The following WWOX variants were observed in gnomAD, a reference collection of about 807,000 sequenced individuals.
WWOX encodes the protein WW domain containing oxidoreductase.
Under a neutral mutation model 46.2 loss-of-function variants are expected in WWOX, and 69 were observed. The observed-to-expected ratio is 1.49, with a 90% CI of 1.23 to 1.82. WWOX has a LOEUF of 1.82. WWOX is among the 40% of genes most tolerant of loss of function. The pLI is 0.00. For missense variants in WWOX, 919 were observed against 542.6 expected, an observed-to-expected ratio of 1.69 and a Z score of -6.89; for synonymous variants, 359 against 202.6, an observed-to-expected ratio of 1.77 and a Z score of -6.56.
chr16:78,274,368 A>C (rs1004031970), intron 5 of WWOX, among the ~76,000 whole-genome samples: 6 of 152,166 alleles, frequency 3.9e-5, no homozygotes, highest in Admixed American at 3.9e-4. Context: ...AATGCATATT[A>C]TAGTAATTTC....
chr16:78,392,456 GTAA>G (rs10561646), intron 6 of WWOX, among the ~76,000 whole-genome samples: 3,479 of 152,112 alleles, frequency 0.023, 135 homozygotes, highest in African/African-American at 0.08. Flanking sequence ...ATATTACAAC[GTAA>G]TAATAATAGA....
At chr16:79,050,280 C>T (rs1040148232) in intron 8 of WWOX, among the ~76,000 whole-genome samples, 3 of 152,188 alleles carry the variant, frequency 2.0e-5, no homozygotes, top group African/African-American at 7.2e-5. Flanking sequence ...TGCATCTTTG[C>T]ATCAGCTGGG....
At chr16:78,868,643 C>G (rs1361058825) in intron 8 of WWOX, among the ~76,000 whole-genome samples, 2 of 152,114 alleles carry the variant, frequency 1.3e-5, no homozygotes, top group African/African-American at 4.8e-5. Context: ...TAGACAAATT[C>G]TGTTACTATC....
chr16:78,122,999 TAAAC>T (rs2033172417), intron 4 of WWOX, among the ~76,000 whole-genome samples: 1 of 152,174 alleles, frequency 6.6e-6, no homozygotes, highest in Non-Finnish European at 1.5e-5. Flanking sequence ...TTGATATAAT[TAAAC>T]AAAAGAGGCA....
chr16:78,525,617 A>G (rs2043446410), intron 8 of WWOX: 1 of 152,220 alleles, frequency 6.6e-6, no homozygotes, highest in African/African-American at 2.4e-5. Context: ...GACAATAACA[A>G]AGAAGATGCC....
Position 78,179,225 on chromosome 16 carries a change from G to C in WWOX, c.516+14936G>C, listed in dbSNP as rs571283465. On this transcript the variant is annotated intron_variant, in intron 5 of 8. Coordinates refer to ENST00000566780, the MANE Select transcript of WWOX (RefSeq NM_016373.4). ...TATAACTTTTAGCCTTTGCTTTGCAGGGACAGCAAAGATGTGAGCAAATTT... is the reference window on the plus strand; with the variant it reads ...TATAACTTTTAGCCTTTGCTTTGCACGGACAGCAAAGATGTGAGCAAATTT... Among the ~76,000 whole-genome samples, 78 of 152,324 alleles carry C rather than the reference G, an allele frequency of 5.1e-4. 1 individual carries two copies. The highest frequency in any genetic ancestry group is 2.5e-3 in the South Asian group (12 of 4,826).
At position 78,212,502 on chromosome 16, in the gene WWOX, C is replaced by T. The variant is rs1403544964; in HGVS notation, c.516+48213C>T. 2.6e-5 allele frequency among the ~76,000 whole-genome samples: 4 copies of T among 152,122 alleles called. No homozygotes were observed. The East Asian group carries it at 7.7e-4, about 29-fold the overall frequency. On this transcript the variant is annotated intron_variant, in intron 5 of 8. Coordinates refer to ENST00000566780, the MANE Select transcript of WWOX (RefSeq NM_016373.4). The stretch of plus-strand genomic sequence containing the variant: ...AGTTTATATTGGATTCTGCAAAGTC[C>T]CATGAGGACTGATAGATGGGCTGTG...
At chr16:78,403,464 G>A (rs1455697972) in intron 6 of WWOX, among the ~76,000 whole-genome samples, 1 of 152,152 alleles carries the variant, frequency 6.6e-6, no homozygotes, top group Non-Finnish European at 1.5e-5. Flanking sequence ...TGCTGCTTTA[G>A]TATTGCTTTA....
At chr16:78,880,897 G>T (rs1240070650) in intron 8 of WWOX, among the ~76,000 whole-genome samples, 2 of 151,582 alleles carry the variant, frequency 1.3e-5, no homozygotes, top group African/African-American at 2.4e-5. Context: ...CAGGTCAGAC[G>T]TAGGTATAAG....
At chr16:78,537,870 C>G (rs1344742614) in intron 8 of WWOX, among the ~76,000 whole-genome samples, 2 of 152,096 alleles carry the variant, frequency 1.3e-5, no homozygotes, top group African/African-American at 2.4e-5. Flanking sequence ...AGCCTCTGGC[C>G]TCGGCCTTCT....
intron 8 of WWOX, among the ~76,000 whole-genome samples, chr16:78,451,627 T>G (rs1342342616): frequency 3.3e-5 from 5 of 152,196 alleles, no homozygotes; most frequent in African/African-American, 1.2e-4. Context: ...AGCTCCCACA[T>G]CTTTGGGCTG....
Position 78,699,073 on chromosome 16 carries a change from G to T in WWOX, c.1056+266321G>T, listed in dbSNP as rs114974833. ...AGTTCAGATGGTGTGTGTTACAACT[G>T]TTCAGCTCTAACTTTGTATGAAAGT... On this transcript the variant is annotated intron_variant, in intron 8 of 8. Coordinates refer to ENST00000566780, the MANE Select transcript of WWOX (RefSeq NM_016373.4). Among the ~76,000 whole-genome samples the T allele has an allele frequency of 6.5e-3, 984 of 152,246 alleles. 17 individuals carry two copies. Among genetic ancestry groups the T allele is most frequent in the African/African-American group, 0.023 (956 of 41,524 alleles).
chr16:78,309,715 G>A (rs61400593), intron 5 of WWOX, among the ~76,000 whole-genome samples: 9,316 of 152,130 alleles, frequency 0.061, 780 homozygotes, highest in African/African-American at 0.19. Context: ...TTCAATCAAC[G>A]TACGTGACTA....
At chr16:78,328,983 T>C (rs564016997) in intron 5 of WWOX, among the ~76,000 whole-genome samples, 1 of 152,178 alleles carries the variant, frequency 6.6e-6, no homozygotes, top group South Asian at 2.1e-4. Flanking sequence ...TGCCTCAGCC[T>C]CCCGAGTACC....
At chr16:78,896,301 G>T (rs778294086) in intron 8 of WWOX, 2 of 151,772 alleles carry the variant, frequency 1.3e-5, no homozygotes, top group Non-Finnish European at 2.9e-5. Flanking sequence ...CAAAAATTTG[G>T]GAAAAGGATT....
In WWOX at chr16:79,021,768, C is replaced by A. The variant is rs551644275; in HGVS notation, c.1057-189840C>A. Among the ~76,000 whole-genome samples, 11 of 152,272 alleles carry A rather than the reference C, an allele frequency of 7.2e-5. No individual in the cohort carries two copies. The South Asian group carries it at 2.3e-3, about 32-fold the overall frequency. ...AACATTTTGGCCATCTGTGTACACCCCCTCTTTCTAGGGTTCCAGCCACAG... is the reference window on the plus strand; with the variant it reads ...AACATTTTGGCCATCTGTGTACACCACCTCTTTCTAGGGTTCCAGCCACAG... On this transcript the variant is annotated intron_variant, in intron 8 of 8. Coordinates refer to ENST00000566780, the MANE Select transcript of WWOX (RefSeq NM_016373.4).
chr16:78,221,585 A>G (rs1181150572), intron 5 of WWOX, among the ~76,000 whole-genome samples: 1 of 152,216 alleles, frequency 6.6e-6, no homozygotes, highest in Admixed American at 6.5e-5. Flanking sequence ...GTAGATAAGA[A>G]AAACAAATCA....
At chr16:78,916,565 G>C (rs545624388) in intron 8 of WWOX, among the ~76,000 whole-genome samples, 1 of 152,320 alleles carries the variant, frequency 6.6e-6, no homozygotes, top group Admixed American at 6.5e-5. Context: ...ACTTCTGAGA[G>C]AGAAATGAGA....
At chr16:78,417,990 A>G (rs181211532) in intron 6 of WWOX, among the ~76,000 whole-genome samples, 8 of 152,220 alleles carry the variant, frequency 5.3e-5, no homozygotes, top group African/African-American at 1.9e-4. Context: ...ATTTGCATGA[A>G]TACTTCAAAC....
Sources: gnomAD v4.1 joint callset for allele counts (sites outside exome capture counted in the v4.1 genomes callset) on GRCh38, gnomAD v4.1.1 for gene constraint, MANE v1.5 for transcripts, NCBI Gene and HGNC (gene_info 2026-07-23, HGNC 2026-07-21) for gene names.